PDE4A: variants seen among roughly 807,000 people sequenced by gnomAD.
PDE4A encodes the protein phosphodiesterase 4A, also known as 3',5'-cyclic-AMP phosphodiesterase 4A.
PDE4A carries 21 observed loss-of-function variants against 73.9 expected under a neutral mutation model. The ratio of observed to expected loss-of-function variants is 0.28; its 90% CI spans 0.20 to 0.41. The LOEUF is 0.41. Ranked by LOEUF, PDE4A falls within the 10% of genes least tolerant of loss-of-function variation. The pLI, the probability that PDE4A is intolerant of heterozygous loss-of-function variation, is 1.00. For synonymous variants in PDE4A, 463 were observed against 505.4 expected (o/e 0.92, Z 1.13); for missense variants, 958 against 1,211.4 (o/e 0.79, Z 3.10).
intron 1 of PDE4A, among the ~76,000 whole-genome samples, chr19:10,425,066 A>C (rs2145449732): frequency 6.6e-6 from 1 of 152,268 alleles, no homozygotes; most frequent in Non-Finnish European, 1.5e-5. Flanking sequence ...TCTACTAAAA[A>C]TACAAAAATT....
chr19:10,420,466 A>C, upstream of PDE4A: 9 of 116,560 alleles, frequency 7.7e-5, no homozygotes, highest in Non-Finnish European at 9.6e-5. This position sits in a 1 kb window ranked among gnomAD's most constrained non-coding sequence, Gnocchi z 6.0. Flanking sequence ...GGGGGCGGGG[A>C]GGGGCGGGAC....
intron 1 of PDE4A, among the ~76,000 whole-genome samples, chr19:10,434,554 T>C (rs2042838933): frequency 6.6e-6 from 1 of 151,428 alleles, no homozygotes; most frequent in South Asian, 2.1e-4. Context: ...TGTTACAGTA[T>C]AGCACAATGC....
intron 1 of PDE4A, chr19:10,428,986 TC>T: frequency 1.7e-6 from 1 of 578,604 alleles, no homozygotes; most frequent in Non-Finnish European, 2.2e-6. Context: ...ATGCCTGTAA[TC>T]CCAGCTACTT....
chr19:10,444,148 A>G (rs561781089), intron 1 of PDE4A, among the ~76,000 whole-genome samples: 20 of 152,214 alleles, frequency 1.3e-4, no homozygotes, highest in African/African-American at 4.6e-4. Flanking sequence ...TGGGAGGTAG[A>G]GGTGGGCAGA....
Position 10,434,049 on chromosome 19 carries a change from A to G in PDE4A, c.321-12169A>G, listed in dbSNP as rs565391126. ...AGTTTGAGACCAGCCTGGGCAACAT[A>G]GTAAAACCTCATCTCTACAAAATAA... On this transcript the variant is annotated intron_variant, in intron 1 of 14. Coordinates refer to ENST00000380702, the MANE Select transcript of PDE4A (RefSeq NM_001111307.2). Among the ~76,000 whole-genome samples the G allele has an allele frequency of 6.6e-5, 10 of 152,278 alleles. No homozygotes were observed. In the South Asian group the frequency reaches 1.9e-3, roughly 28 times the overall value.
At chr19:10,420,463 G>A, upstream of PDE4A, 1 of 835,928 alleles carries the variant, frequency 1.2e-6, no homozygotes, top group Non-Finnish European at 1.4e-6. The surrounding 1 kb of genome is among the most constrained non-coding windows in gnomAD (Gnocchi z 6.0). Context: ...GCGGGGGGCG[G>A]GGAGGGGCGG....
intron 1 of PDE4A, among the ~76,000 whole-genome samples, chr19:10,430,621 A>C (rs1433107634): frequency 6.6e-6 from 1 of 151,946 alleles, no homozygotes; most frequent in Admixed American, 6.5e-5. Flanking sequence ...ATTAGAGCCA[A>C]CGCGGGCGGC....
chr19:10,453,255 G>T lies in PDE4A; in HGVS notation c.784-1574G>T. 6.2e-7 allele frequency: 1 copy of T among 1,611,636 alleles called. No individual in the cohort carries two copies. Among genetic ancestry groups the T allele is most frequent in the South Asian group, 1.1e-5 (1 of 90,526 alleles). ...TGTGCAGCAGCCCCAGGCGGGCTAA[G>T]TCTCCAAGATGCCCTTGGTGGATTT... On this transcript the variant is annotated intron_variant, in intron 6 of 14. Transcript: ENST00000380702. This position sits in a 1 kb window ranked among gnomAD's most constrained non-coding sequence, Gnocchi z 4.6.
At chr19:10,452,861 T>G in intron 6 of PDE4A, 1 of 551,192 alleles carries the variant, frequency 1.8e-6, no homozygotes, top group Non-Finnish European at 2.3e-6. Flanking sequence ...GATGCCCCTT[T>G]AATACCCCCC....
chr19:10,456,142 G>T (rs541129685), intron 7 of PDE4A, among the ~76,000 whole-genome samples: 97 of 151,914 alleles, frequency 6.4e-4, no homozygotes, highest in Admixed American at 1.2e-3. Flanking sequence ...TATAATCCCA[G>T]GACTTTGGGA....
At position 10,453,028 on chromosome 19, in the gene PDE4A, A is replaced by C. The variant is rs897789755; in HGVS notation, c.784-1801A>C. ...CACGGACCCCCCACCGCCTCCACCCACTGCCGCGGGGGGGCCCGTTGGGGC... is the reference window on the plus strand; with the variant it reads ...CACGGACCCCCCACCGCCTCCACCCCCTGCCGCGGGGGGGCCCGTTGGGGC... On this transcript the variant is annotated intron_variant, in intron 6 of 14. Transcript: ENST00000380702. The surrounding 1 kb of genome is among the most constrained non-coding windows in gnomAD (Gnocchi z 4.6). The C allele has an allele frequency of 3.0e-6, 4 of 1,325,878 alleles. No individual in the cohort carries two copies. The Admixed American group carries it at 1.1e-4, about 36-fold the overall frequency. The allele number at this position is 1,325,878 out of a possible 1,614,324, so 82.1% of individuals were successfully genotyped here.
chr19:10,430,645 G>A lies in PDE4A; in HGVS notation c.320+9561G>A, dbSNP rs182844296. Among the ~76,000 whole-genome samples the A allele has an allele frequency of 5.1e-3, 768 of 151,936 alleles. 14 individuals carry two copies. The highest frequency in any genetic ancestry group is 0.031 in the East Asian group (158 of 5,152). On this transcript the variant is annotated intron_variant, in intron 1 of 14. Coordinates refer to ENST00000380702, the MANE Select transcript of PDE4A (RefSeq NM_001111307.2). ...AACGCGGGCGGCTTTGGGGTCTGCG[G>A]GAGAGTCCCCACCAGAGCCGTGCGG... is the stretch of plus-strand genomic sequence containing the variant.
In PDE4A at chr19:10,467,255, A is replaced by G; in HGVS notation, c.2295A>G (p.Ala765=). The G allele has an allele frequency of 6.2e-7, 1 of 1,614,214 alleles. No individual in the cohort carries two copies. The highest frequency in any genetic ancestry group is 8.5e-7 in the Non-Finnish European group (1 of 1,180,030). Reference sequence around the variant, plus strand: ...CCCAGGAGTCGTTGGAAGTTATGGCACAGGAAGCATCCCTGGAGGCCGAGC... The same window carrying G: ...CCCAGGAGTCGTTGGAAGTTATGGCGCAGGAAGCATCCCTGGAGGCCGAGC... ...SPAQESLEVM[A]QEASLEAELE... Residue 765 remains alanine, a synonymous_variant, in exon 15 of 15, where the codon GCA becomes GCG. Coordinates refer to ENST00000380702, the MANE Select transcript of PDE4A (RefSeq NM_001111307.2).
At position 10,463,036 on chromosome 19, in the gene PDE4A, TTCCTG is replaced by T. The variant is rs111317111; in HGVS notation, c.1744-737_1744-733del. 4.9e-3 allele frequency among the ~76,000 whole-genome samples: 743 copies of T among 152,044 alleles called. 2 individuals are homozygous for T. The highest frequency in any genetic ancestry group is 0.017 in the African/African-American group (689 of 41,484). ...TTGCAAGATCCTCTTTTCCTTTCCT[TTCCTG>T]TCCTGTCCTGTCCTGTCCTTTCCTT... On this transcript the variant is annotated intron_variant, in intron 13 of 14. Coordinates refer to ENST00000380702, the MANE Select transcript of PDE4A (RefSeq NM_001111307.2).
At chr19:10,427,160 C>T (rs988773236) in intron 1 of PDE4A, among the ~76,000 whole-genome samples, 8 of 152,162 alleles carry the variant, frequency 5.3e-5, no homozygotes, top group East Asian at 1.9e-4. Flanking sequence ...ATTAGCTGGG[C>T]GCAGTGGCAA....
chr19:10,427,648 A>G (rs1334587290), intron 1 of PDE4A: 1 of 982,578 alleles, frequency 1.0e-6, no homozygotes, highest in African/African-American at 1.7e-5. Context: ...CTGAAGCCAG[A>G]CAGCTGGGTC....
chr19:10,455,753 ACT>A (rs1321847665), intron 7 of PDE4A, among the ~76,000 whole-genome samples: 3 of 141,526 alleles, frequency 2.1e-5, no homozygotes, highest in Admixed American at 2.1e-4. Flanking sequence ...ACAGAGTGAG[ACT>A]CTGTCTCAAA....
At chr19:10,432,080 G>A (rs1484598989) in intron 1 of PDE4A, among the ~76,000 whole-genome samples, 1 of 151,860 alleles carries the variant, frequency 6.6e-6, no homozygotes, top group East Asian at 2.0e-4. Context: ...GGGCGGGGAG[G>A]GGGGAAAGGC....
chr19:10,464,171 C>T (rs2043325513), intron 14 of PDE4A, among the ~76,000 whole-genome samples, 196 bp downstream of exon 14: 1 of 152,204 alleles, frequency 6.6e-6, no homozygotes, highest in Non-Finnish European at 1.5e-5. Context: ...GATCTTGGCT[C>T]ACTGCAACCT....
Sources: allele counts gnomAD v4.1 joint callset (sites outside exome capture counted in the v4.1 genomes callset), GRCh38; gene constraint gnomAD v4.1.1; non-coding constraint Gnocchi (gnomAD v3.1); transcripts MANE v1.5; gene names NCBI Gene and HGNC (gene_info 2026-07-23, HGNC 2026-07-21).